The following CNBP variants were observed in gnomAD, a reference collection of about 807,000 sequenced individuals.
The protein encoded by CNBP is cellular nucleic acid-binding protein.
Under a neutral mutation model 21.2 loss-of-function variants are expected in CNBP, and 6 were observed. The ratio of observed to expected loss-of-function variants is 0.28; its 90% CI spans 0.16 to 0.56. CNBP has a LOEUF of 0.56. Ranked by LOEUF, CNBP falls within the 20% of genes least tolerant of loss-of-function variation. The probability of loss-of-function intolerance (pLI) is 0.93; values close to 1 mark genes in which losing one functional copy is unlikely to be tolerated. For missense variants in CNBP, 112 were observed against 233.1 expected (o/e 0.48, Z 3.38); for synonymous variants, 61 against 74.9 (o/e 0.81, Z 0.96).
At position 129,170,195 on chromosome 3, in the gene CNBP, C is replaced by A; in HGVS notation, c.*258G>T. 1 of 442,878 alleles carries A rather than the reference C, an allele frequency of 2.3e-6. No homozygotes were observed. Among genetic ancestry groups the A allele is most frequent in the Non-Finnish European group, 4.1e-6 (1 of 242,866 alleles). The allele number at this position is 442,878 out of a possible 1,614,324, so 27.4% of individuals were successfully genotyped here. The stretch of plus-strand genomic sequence containing the variant: ...CTCAACTCTTCCCATTCATCAATCC[C>A]TATTCACCAGTGGCACGGAAAGGGG... On this transcript the variant is annotated 3_prime_UTR_variant, in exon 5 of 5. Transcript: ENST00000422453.
At chr3:129,172,654 AGG>A (rs1437056075) in intron 1 of CNBP, among the ~76,000 whole-genome samples, 1,575 of 96,874 alleles carry the variant, frequency 0.016, 9 homozygotes, top group South Asian at 0.019. Flanking sequence ...GCAGGCAGGC[AGG>A]CAGACAGACA....
intron 1 of CNBP, among the ~76,000 whole-genome samples, chr3:129,179,637 G>C (rs944322711): frequency 3.3e-5 from 5 of 152,190 alleles, no homozygotes; most frequent in African/African-American, 4.8e-5. Flanking sequence ...TTGGGAGGCT[G>C]AGGAGGGAAG....
intron 1 of CNBP, among the ~76,000 whole-genome samples, chr3:129,183,383 G>C (rs1938450352): frequency 6.6e-6 from 1 of 152,034 alleles, no homozygotes; most frequent in African/African-American, 2.4e-5. Context: ...CCCACCACAC[G>C]GACTCCTTCC....
intron 1 of CNBP, among the ~76,000 whole-genome samples, chr3:129,172,097 G>A (rs1174033002): frequency 6.6e-6 from 1 of 152,068 alleles, no homozygotes; most frequent in East Asian, 1.9e-4. Context: ...TGTGAACCCA[G>A]GAGGCGGAGC....
At chr3:129,170,831 C>CA (rs759431874) in intron 4 of CNBP, among the ~76,000 whole-genome samples, 1 of 152,296 alleles carries the variant, frequency 6.6e-6, no homozygotes, top group South Asian at 2.1e-4. Flanking sequence ...CAAATTATAA[C>CA]ACTCTTACTT....
At position 129,170,257 on chromosome 3, in the gene CNBP, A is replaced by C; in HGVS notation, c.*196T>G. On this transcript the variant is annotated 3_prime_UTR_variant, in exon 5 of 5. Transcript: ENST00000422453. Reference sequence around the variant, plus strand: ...AAGCATTATACATAACACCTCTACCAAACTAAACATAAACTTTTTTTGTAG... The same window carrying C: ...AAGCATTATACATAACACCTCTACCCAACTAAACATAAACTTTTTTTGTAG... The C allele has an allele frequency of 1.7e-6, 1 of 590,100 alleles. No individual in the cohort carries two copies. The highest frequency in any genetic ancestry group is 3.0e-6 in the Non-Finnish European group (1 of 330,134). The allele number at this position is 590,100 out of a possible 1,614,324, so 36.6% of individuals were successfully genotyped here. A position where few individuals can be genotyped will look rare whatever the true frequency, so the allele number is the denominator to read the frequency against.
intron 1 of CNBP, among the ~76,000 whole-genome samples, chr3:129,182,695 T>C (rs1938385231): frequency 6.6e-6 from 1 of 152,154 alleles, no homozygotes; most frequent in African/African-American, 2.4e-5. Context: ...AAATTCGTGT[T>C]TTTTCTGGTA....
At chr3:129,174,013 A>G (rs1430960863) in intron 1 of CNBP, among the ~76,000 whole-genome samples, 1 of 152,150 alleles carries the variant, frequency 6.6e-6, no homozygotes, top group Admixed American at 6.6e-5. Flanking sequence ...AAAAGTTCCC[A>G]TTGTCAAATA....
rs150641691 is a variant in CNBP, at chr3:129,182,080, T to C, written c.-15+1696A>G. Among the ~76,000 whole-genome samples, 241 of 151,806 alleles carry C rather than the reference T, an allele frequency of 1.6e-3. 1 individual carries two copies. Among genetic ancestry groups the C allele is most frequent in the African/African-American group, 5.4e-3 (222 of 41,372 alleles). On this transcript the variant is annotated intron_variant, in intron 1 of 4. Coordinates refer to ENST00000422453, the MANE Select transcript of CNBP (RefSeq NM_003418.5). ...GATAAGTACTATATCTCTTATCTTTTTGAAACCCTCAAAGCTCTACACTCC... is the reference window on the plus strand; with the variant it reads ...GATAAGTACTATATCTCTTATCTTTCTGAAACCCTCAAAGCTCTACACTCC...
chr3:129,170,255 C>A lies in CNBP; in HGVS notation c.*198G>T. 1 of 585,990 alleles carries A rather than the reference C, an allele frequency of 1.7e-6. No individual in the cohort carries two copies. Among genetic ancestry groups the A allele is most frequent in the Admixed American group, 3.0e-5 (1 of 33,570 alleles). 36.3% of individuals were successfully genotyped at this position (585,990 alleles called of 1,614,324 possible). ...CAAAGCATTATACATAACACCTCTA[C>A]CAAACTAAACATAAACTTTTTTTGT... On this transcript the variant is annotated 3_prime_UTR_variant, in exon 5 of 5. Transcript: ENST00000422453.
In CNBP at chr3:129,183,756, G is replaced by T. The variant is rs1871922; in HGVS notation, c.-15+20C>A. 69,081 of 152,858 alleles carry T rather than the reference G, an allele frequency of 0.45. 17,690 individuals carry two copies. The highest frequency in any genetic ancestry group is 0.59 in the East Asian group (3,043 of 5,172). The allele number at this position is 152,858 out of a possible 1,614,324, so 9.5% of individuals were successfully genotyped here. A position where few individuals can be genotyped will look rare whatever the true frequency, so the allele number is the denominator to read the frequency against. Reference sequence around the variant, plus strand: ...CGCACTGCGGCTCCGTCAGCGCCGGGCCCCTCCCCCAGCCCTCACCTTCCG... The same window carrying T: ...CGCACTGCGGCTCCGTCAGCGCCGGTCCCCTCCCCCAGCCCTCACCTTCCG... On this transcript the variant is annotated intron_variant, in intron 1 of 4. Coordinates refer to ENST00000422453, the MANE Select transcript of CNBP (RefSeq NM_003418.5).
chr3:129,172,664 A>AGCCAGGCAGGCAGGCAGG (rs1937623506), intron 1 of CNBP, among the ~76,000 whole-genome samples: 1 of 115,190 alleles, frequency 8.7e-6, no homozygotes, highest in African/African-American at 3.3e-5. Flanking sequence ...AGGCAGACAG[A>AGCCAGGCAGGCAGGCAGG]CAGACAGACA....
rs1402958813 is a variant in CNBP at position 129,171,156 on chromosome 3, A to G, written c.339T>C (p.His113=). 1.9e-6 allele frequency: 3 copies of G among 1,614,246 alleles called. No homozygotes were observed. The highest frequency in any genetic ancestry group is 1.7e-5 in the Admixed American group (1 of 60,030). Residue 113 remains histidine (H), a synonymous_variant, in exon 4 of 5, where the codon CAT becomes CAC. Coordinates refer to ENST00000422453, the MANE Select transcript of CNBP (RefSeq NM_003418.5). ...AAGAATAGCATTTCTGCTCATCTGC[A>G]TGGTCGCAGTCACGAGCCAGATGGC... ...KPGHLARDCD[H]ADEQKCYSCG...
intron 1 of CNBP, among the ~76,000 whole-genome samples, chr3:129,179,274 C>T (rs555056406): frequency 9.0e-4 from 136 of 151,708 alleles, no homozygotes; most frequent in Non-Finnish European, 1.1e-3. Flanking sequence ...CGAAACTCCA[C>T]CTCAAAGGAA....
In CNBP at chr3:129,174,434, C is replaced by T. The variant is rs768739758; in HGVS notation, c.-14-2663G>A. On this transcript the variant is annotated intron_variant, in intron 1 of 4. Coordinates refer to ENST00000422453, the MANE Select transcript of CNBP (RefSeq NM_003418.5). ...TAATCCCAGCACTTTGGGAGGCCGA[C>T]GAGGATGGTTCACCTGAGGTTGGGA... Among the ~76,000 whole-genome samples, 148 of 144,736 alleles carry T rather than the reference C, an allele frequency of 1.0e-3. 3 individuals are homozygous for T. Among genetic ancestry groups the T allele is most frequent in the Non-Finnish European group, 2.4e-4 (16 of 66,580 alleles). 95.0% of individuals were successfully genotyped at this position (144,736 alleles called of 152,430 possible).
intron 1 of CNBP, among the ~76,000 whole-genome samples, chr3:129,173,505 CTGTAA>C (rs1248633167): frequency 3.9e-5 from 6 of 152,136 alleles, no homozygotes; most frequent in Non-Finnish European, 1.5e-5. Flanking sequence ...CCAAATGTTT[CTGTAA>C]TGTAATTTTA....
At chr3:129,174,741 G>A (rs1937784816) in intron 1 of CNBP, among the ~76,000 whole-genome samples, 1 of 150,636 alleles carries the variant, frequency 6.6e-6, no homozygotes, top group Non-Finnish European at 1.5e-5. Context: ...TCTTCATTTT[G>A]TATCTTCTCC....
intron 4 of CNBP, 87 bp from the exon 5 acceptor site, chr3:129,170,657 T>C (rs1937551198): frequency 1.0e-6 from 1 of 1,003,312 alleles, no homozygotes; most frequent in Non-Finnish European, 1.6e-6. Flanking sequence ...ACAAAACGCC[T>C]GATCTTTGTT....
At chr3:129,170,608 G>A in intron 4 of CNBP, 38 bp from the exon 5 acceptor site, 3 of 1,516,906 alleles carry the variant, frequency 2.0e-6, no homozygotes, top group Non-Finnish European at 2.7e-6. Context: ...ATGGGCCTCA[G>A]AAAAAAACTG....
Sources: allele counts gnomAD v4.1 joint callset (sites outside exome capture counted in the v4.1 genomes callset), GRCh38; gene constraint gnomAD v4.1.1; transcripts MANE v1.5; gene names NCBI Gene and HGNC (gene_info 2026-07-23, HGNC 2026-07-21).